The following DPY19L1 variants were observed in gnomAD, a reference collection of about 807,000 sequenced individuals.
DPY19L1 encodes the protein dpy-19 like C-mannosyltransferase 1, also known as protein C-mannosyl-transferase DPY19L1.
In DPY19L1, 35 loss-of-function variants were observed where a neutral mutation model predicts 96.9. That is an observed-to-expected ratio of 0.36 (90% CI 0.28 to 0.48). The LOEUF (loss-of-function observed/expected upper bound fraction) is 0.48, where lower values mean the gene tolerates loss of function less well. DPY19L1 is among the 20% of genes least tolerant of loss of function. DPY19L1 has a pLI of 0.99. For synonymous variants in DPY19L1, 205 were observed against 252.6 expected (o/e 0.81, Z 1.79); for missense variants, 521 against 777.9 (o/e 0.67, Z 3.93).
intron 11 of DPY19L1, 50 bp downstream of exon 11, chr7:34,957,934 T>G: frequency 7.9e-7 from 1 of 1,263,298 alleles, no homozygotes; most frequent in South Asian, 1.4e-5. Context: ...GAAAAAATTG[T>G]TAAACCATTA....
chr7:34,962,071 T>C (rs1378484231), intron 10 of DPY19L1, among the ~76,000 whole-genome samples: 3 of 152,178 alleles, frequency 2.0e-5, no homozygotes, highest in Admixed American at 1.3e-4. Context: ...ACTCTCACCA[T>C]ACCATCCAAA....
chr7:34,980,954 G>A (rs1784926224), intron 7 of DPY19L1, among the ~76,000 whole-genome samples: 1 of 152,136 alleles, frequency 6.6e-6, no homozygotes, highest in South Asian at 2.1e-4. Context: ...CTCACATGAA[G>A]CCCCCAAATA....
Position 34,931,666 on chromosome 7 carries a change from G to C in DPY19L1, c.2154C>G (p.Pro718=), listed in dbSNP as rs762549471. 198 of 1,598,334 alleles carry C rather than the reference G, an allele frequency of 1.2e-4. No homozygotes were observed. The highest frequency in any genetic ancestry group is 1.6e-4 in the Non-Finnish European group (189 of 1,173,632). The change falls in exon 22 of 22, where the codon CCC becomes CCG. Residue 718 remains proline, a synonymous_variant. Coordinates refer to ENST00000638088, the MANE Select transcript of DPY19L1 (RefSeq NM_001366673.1). Reference sequence around the variant, plus strand: ...AATCCTTCACCAAGAGGTTACATAAGGGAGTTTTCCCAGCATTGGCAGGAT... The same window carrying C: ...AATCCTTCACCAAGAGGTTACATAACGGAGTTTTCCCAGCATTGGCAGGAT... ...VEDPANAGKT[P]LCNLLVKDSK...
At chr7:34,968,247 C>T (rs574258873) in intron 9 of DPY19L1, among the ~76,000 whole-genome samples, 3 of 152,126 alleles carry the variant, frequency 2.0e-5, no homozygotes, top group Admixed American at 2.0e-4. Context: ...ACCAACTAAC[C>T]TTACTGACAC....
Position 35,024,218 on chromosome 7 carries a change from T to G in DPY19L1, c.299-5622A>C, listed in dbSNP as rs551548906. 2.0e-5 allele frequency among the ~76,000 whole-genome samples: 3 copies of G among 152,314 alleles called. No homozygotes were observed. In the East Asian group the frequency reaches 5.8e-4, roughly 29 times the overall value. ...CTTAAAAATTCAACCTACTCCTAAA[T>G]TGAGGTTCATCTGTACCTAAAGCAC... is the stretch of plus-strand genomic sequence containing the variant. On this transcript the variant is annotated intron_variant, in intron 1 of 21. Transcript: ENST00000638088.
At chr7:34,996,988 G>GA (rs1392069448) in intron 6 of DPY19L1, among the ~76,000 whole-genome samples, 2 of 152,140 alleles carry the variant, frequency 1.3e-5, no homozygotes, top group Admixed American at 1.3e-4. Context: ...GGACGCCAGA[G>GA]ATACTCTGAA....
intron 8 of DPY19L1, among the ~76,000 whole-genome samples, chr7:34,972,956 GTTC>G (rs1488168218): frequency 6.6e-6 from 1 of 152,212 alleles, no homozygotes; most frequent in African/African-American, 2.4e-5. Context: ...CTTCAACAAA[GTTC>G]TTCTGAATTC....
At chr7:34,992,328 G>C (rs2128672860) in intron 6 of DPY19L1, among the ~76,000 whole-genome samples, 1 of 152,040 alleles carries the variant, frequency 6.6e-6, no homozygotes, top group South Asian at 2.1e-4. Flanking sequence ...TAAAAATTAA[G>C]GTTATCAAAC....
rs1441457038 is a variant in DPY19L1 at position 34,929,971 on chromosome 7, G to A, written c.*1602C>T. 6.6e-6 allele frequency: 1 copy of A among 152,266 alleles called. No individual in the cohort carries two copies. Among genetic ancestry groups the A allele is most frequent in the Non-Finnish European group, 1.5e-5 (1 of 68,112 alleles). The allele number at this position is 152,266 out of a possible 1,614,324, so 9.4% of individuals were successfully genotyped here. A position where few individuals can be genotyped will look rare whatever the true frequency, so the allele number is the denominator to read the frequency against. On this transcript the variant is annotated 3_prime_UTR_variant, in exon 22 of 22. Coordinates refer to ENST00000638088, the MANE Select transcript of DPY19L1 (RefSeq NM_001366673.1). ...CAAGACTGGGGGGCGGTGCTTCTCT[G>A]AGGGCACACTCCTCAGCCTTTGCAG...
At chr7:34,969,008 T>C (rs976113504) in intron 9 of DPY19L1, among the ~76,000 whole-genome samples, 3 of 152,100 alleles carry the variant, frequency 2.0e-5, no homozygotes, top group Non-Finnish European at 4.4e-5. Context: ...CCTGTAATCC[T>C]ATGTGTCTTT....
At chr7:34,986,073 G>A (rs1383976178) in intron 7 of DPY19L1, among the ~76,000 whole-genome samples, 1 of 151,972 alleles carries the variant, frequency 6.6e-6, no homozygotes, top group East Asian at 1.9e-4. Flanking sequence ...GGCAAATACT[G>A]TATGATCTCA....
At position 35,013,702 on chromosome 7, in the gene DPY19L1, G is replaced by A; in HGVS notation, c.415C>T (p.Leu139=). The change falls in exon 4 of 22, where the codon CTA becomes TTA. Residue 139 remains leucine (L), a synonymous_variant. Transcript: ENST00000638088. ...ATAGTCTTGAAATAGGAATAATATA[G>A]TCCCTGAAATAAAGATATGCTCAAT... ...REMAFRTEMG[L]YYSYFKTIVE... The A allele has an allele frequency of 3.1e-6, 5 of 1,588,514 alleles. No homozygotes were observed. The highest frequency in any genetic ancestry group is 4.3e-6 in the Non-Finnish European group (5 of 1,165,348).
At chr7:35,002,382 T>A (rs1413801290) in intron 6 of DPY19L1, among the ~76,000 whole-genome samples, 2 of 151,508 alleles carry the variant, frequency 1.3e-5, no homozygotes, top group Non-Finnish European at 2.9e-5. Flanking sequence ...AAAATAAGGC[T>A]GATAAAATGT....
At chr7:35,022,778 G>GCACACACA (rs71551084) in intron 1 of DPY19L1, among the ~76,000 whole-genome samples, 4 of 142,154 alleles carry the variant, frequency 2.8e-5, no homozygotes, top group South Asian at 2.2e-4. Context: ...ACACACACAC[G>GCACACACA]CACACACACA....
Position 35,037,084 on chromosome 7 carries a change from T to G in DPY19L1, c.298+13A>C. On this transcript the variant is annotated intron_variant, in intron 1 of 21. Coordinates refer to ENST00000638088, the MANE Select transcript of DPY19L1 (RefSeq NM_001366673.1). ...TTCCGCGTCCCGGCGGCGCCGGCGC[T>G]AGGGCTGCTCACCTAACAGGAGCGT... is the stretch of plus-strand genomic sequence containing the variant. 1 of 206,446 alleles carries G rather than the reference T, an allele frequency of 4.8e-6. No homozygotes were observed. Among genetic ancestry groups the G allele is most frequent in the Non-Finnish European group, 9.7e-6 (1 of 103,076 alleles). 12.8% of individuals were successfully genotyped at this position (206,446 alleles called of 1,614,324 possible).
At chr7:35,021,891 T>C (rs1786003443) in intron 1 of DPY19L1, among the ~76,000 whole-genome samples, 2 of 152,214 alleles carry the variant, frequency 1.3e-5, no homozygotes, top group South Asian at 4.1e-4. Context: ...GTATATTTTA[T>C]AGAGGCTATT....
At chr7:34,958,798 T>C (rs1372593302) in intron 10 of DPY19L1, among the ~76,000 whole-genome samples, 2 of 152,122 alleles carry the variant, frequency 1.3e-5, no homozygotes, top group East Asian at 3.9e-4. Context: ...AGGGAAAAAA[T>C]GTTACCTCAT....
chr7:34,939,765 C>T (rs1783956217), intron 19 of DPY19L1, among the ~76,000 whole-genome samples: 2 of 152,156 alleles, frequency 1.3e-5, no homozygotes, highest in African/African-American at 4.8e-5. Flanking sequence ...AACAAAGTCT[C>T]CCTTTCCACA....
chr7:34,930,071 G>A lies in DPY19L1; in HGVS notation c.*1502C>T, dbSNP rs1156971249. 6.6e-6 allele frequency: 1 copy of A among 152,266 alleles called. No homozygotes were observed. The highest frequency in any genetic ancestry group is 1.5e-5 in the Non-Finnish European group (1 of 68,086). 9.4% of individuals were successfully genotyped at this position (152,266 alleles called of 1,614,324 possible). The stretch of plus-strand genomic sequence containing the variant: ...GGGCTCTGGTAAGAAGGTAGAAAGG[G>A]AACAGCGGCTTCCAGGAGTGGGCAC... On this transcript the variant is annotated 3_prime_UTR_variant, in exon 22 of 22. Coordinates refer to ENST00000638088, the MANE Select transcript of DPY19L1 (RefSeq NM_001366673.1).
Sources: allele counts gnomAD v4.1 joint callset (sites outside exome capture counted in the v4.1 genomes callset), GRCh38; gene constraint gnomAD v4.1.1; transcripts MANE v1.5; gene names NCBI Gene and HGNC (gene_info 2026-07-23, HGNC 2026-07-21).